The following UROS variants were observed in gnomAD, a reference collection of about 807,000 sequenced individuals.
UROS encodes uroporphyrinogen-III synthase.
Under a neutral mutation model 33.0 loss-of-function variants are expected in UROS, and 18 were observed. That is an observed-to-expected ratio of 0.55 (90% CI 0.38 to 0.81). The LOEUF (loss-of-function observed/expected upper bound fraction) is 0.81. Ranked by LOEUF, UROS falls within the 30% of genes least tolerant of loss-of-function variation. UROS has a pLI of 0.00. For missense variants in UROS, 293 were observed against 314.9 expected (o/e 0.93, Z 0.53); for synonymous variants, 114 against 121.1 (o/e 0.94, Z 0.38).
chr10:125,794,795 G>GA (rs1851212493), intron 9 of UROS, 85 bp downstream of exon 9: 1 of 1,321,572 alleles, frequency 7.6e-7, no homozygotes, highest in Admixed American at 2.0e-5. Context: ...TGTCTCACTT[G>GA]ACATTGAAGC....
In UROS at chr10:125,789,013, G is replaced by C. The variant is rs763515545; in HGVS notation, c.661-8C>G. On this transcript the variant is annotated splice_polypyrimidine_tract_variant and splice_region_variant and intron_variant, in intron 9 of 9. Coordinates refer to ENST00000368797, the MANE Select transcript of UROS (RefSeq NM_000375.3). Reference sequence around the variant, plus strand: ...GGGGCCGATGGCTGCAAACTATAAAGACAGAAGAGAAAACAGGGCTTCAGC... The same window carrying C: ...GGGGCCGATGGCTGCAAACTATAAACACAGAAGAGAAAACAGGGCTTCAGC... 2 of 1,612,798 alleles carry C rather than the reference G, an allele frequency of 1.2e-6. No individual in the cohort carries two copies. The highest frequency in any genetic ancestry group is 2.2e-5 in the South Asian group (2 of 91,042).
At position 125,788,615 on chromosome 10, in the gene UROS, T is replaced by A; in HGVS notation, c.*253A>T. The A allele has an allele frequency of 1.4e-6, 2 of 1,400,612 alleles. No individual in the cohort carries two copies. Among genetic ancestry groups the A allele is most frequent in the East Asian group, 5.1e-5 (2 of 39,090 alleles). The allele number at this position is 1,400,612 out of a possible 1,614,324, so 86.8% of individuals were successfully genotyped here. On this transcript the variant is annotated 3_prime_UTR_variant, in exon 10 of 10. Transcript: ENST00000368797. Reference sequence around the variant, plus strand: ...GGTAGTCAGTGTGGTTTATTTGACTTCCTTCCTGCTGGGCACAGGAAGCTC... The same window carrying A: ...GGTAGTCAGTGTGGTTTATTTGACTACCTTCCTGCTGGGCACAGGAAGCTC...
intron 6 of UROS, among the ~76,000 whole-genome samples, chr10:125,801,567 C>A (rs1037815058): frequency 6.6e-6 from 1 of 152,232 alleles, no homozygotes; most frequent in Non-Finnish European, 1.5e-5. Flanking sequence ...AAAGAAAAAT[C>A]ATTAATGCCT....
At chr10:125,791,208 G>T (rs113793675) in intron 9 of UROS, among the ~76,000 whole-genome samples, 196 of 152,128 alleles carry the variant, frequency 1.3e-3, no homozygotes, top group African/African-American at 4.5e-3. Flanking sequence ...CTTTAAAGAA[G>T]ATATAAAAAT....
At chr10:125,789,272 C>G (rs1850754189) in intron 9 of UROS, 6 of 1,399,854 alleles carry the variant, frequency 4.3e-6, no homozygotes, top group Non-Finnish European at 5.6e-6. Context: ...AGGCCCCAGG[C>G]TGGTGCTCAC....
intron 9 of UROS, chr10:125,794,288 T>C: frequency 1.0e-6 from 1 of 984,286 alleles, no homozygotes; most frequent in Middle Eastern, 5.2e-4. Flanking sequence ...TGAAGCCTTT[T>C]GCTCTTCCTG....
chr10:125,794,071 A>G (rs999888205), intron 9 of UROS: 4 of 152,282 alleles, frequency 2.6e-5, no homozygotes, highest in South Asian at 2.1e-4. Flanking sequence ...AAGTGCATCA[A>G]CTGCTCAGCA....
At chr10:125,796,937 A>C in intron 7 of UROS, 1 of 815,018 alleles carries the variant, frequency 1.2e-6, no homozygotes. Flanking sequence ...GCCATTTCAT[A>C]TCCCTGAAAA....
At chr10:125,794,846 C>A in intron 9 of UROS, 34 bp downstream of exon 9, 2 of 1,526,586 alleles carry the variant, frequency 1.3e-6, no homozygotes, top group Non-Finnish European at 1.8e-6. Context: ...AAAAAAGAAT[C>A]TGAAAAAGAC....
intron 1 of UROS, among the ~76,000 whole-genome samples, chr10:125,820,993 G>A (rs1037901828): frequency 3.9e-5 from 6 of 152,150 alleles, no homozygotes; most frequent in African/African-American, 1.2e-4. Context: ...ACTAATCTGA[G>A]GGCATAAAGT....
chr10:125,804,451 A>G lies in UROS; in HGVS notation c.394+2962T>C, dbSNP rs142728567. On this transcript the variant is annotated intron_variant, in intron 6 of 9. Transcript: ENST00000368797. ...CTCCTTTATAAAAATCAGTACACAT[A>G]AGTGTTTCCCTGAGTTCTGTGAGCC... Among the ~76,000 whole-genome samples, 289 of 152,264 alleles carry G rather than the reference A, an allele frequency of 1.9e-3. 2 individuals carry two copies. The highest frequency in any genetic ancestry group is 6.5e-3 in the African/African-American group (272 of 41,528).
chr10:125,787,783 G>A (rs559453287), downstream of UROS, among the ~76,000 whole-genome samples: 6 of 152,246 alleles, frequency 3.9e-5, no homozygotes, highest in South Asian at 4.1e-4. Context: ...AAGAATTTCT[G>A]TATACTCACA....
intron 1 of UROS, among the ~76,000 whole-genome samples, chr10:125,820,871 G>A (rs1042776668): frequency 4.6e-5 from 7 of 152,184 alleles, no homozygotes; most frequent in African/African-American, 9.7e-5. Flanking sequence ...AACACTGAAC[G>A]AGTGGTAAGC....
intron 1 of UROS, among the ~76,000 whole-genome samples, chr10:125,821,831 T>C (rs1853936253): frequency 6.6e-6 from 1 of 152,182 alleles, no homozygotes; most frequent in Non-Finnish European, 1.5e-5. Flanking sequence ...AAGAGGCCAT[T>C]TCAAGCTGCC....
rs1006446732 is a variant in UROS at position 125,802,339 on chromosome 10, C to T, written c.395-4194G>A. ...GCTGGAACAACTGTCTGTGGCTTCC[C>T]TGCAGCTATTTCAACACCTGGCTGA... is the stretch of plus-strand genomic sequence containing the variant. On this transcript the variant is annotated intron_variant, in intron 6 of 9. Coordinates refer to ENST00000368797, the MANE Select transcript of UROS (RefSeq NM_000375.3). The T allele has an allele frequency of 2.5e-5, 25 of 985,990 alleles. 1 individual carries two copies. Among genetic ancestry groups the T allele is most frequent in the Non-Finnish European group, 3.0e-5 (25 of 830,376 alleles). The allele number at this position is 985,990 out of a possible 1,614,324, so 61.1% of individuals were successfully genotyped here. A position where few individuals can be genotyped will look rare whatever the true frequency, so the allele number is the denominator to read the frequency against.
chr10:125,799,349 T>A (rs1589948533), intron 6 of UROS, among the ~76,000 whole-genome samples: 1 of 152,336 alleles, frequency 6.6e-6, no homozygotes, highest in South Asian at 2.1e-4. Flanking sequence ...CCTAGAGACA[T>A]ATTTTCAAAG....
rs60416822 is a variant in UROS at position 125,796,642 on chromosome 10, CCT to C, written c.476-456_476-455del. On this transcript the variant is annotated intron_variant, in intron 7 of 9. Transcript: ENST00000368797. ...TGTGCCTCCACATGGCCACGCGTCC[CCT>C]CTCTGGGCCTCAGTGTGTCCACTTG... 2,088 of 448,182 alleles carry C rather than the reference CCT, an allele frequency of 4.7e-3. 48 individuals are homozygous for C. The highest frequency in any genetic ancestry group is 0.043 in the African/African-American group (2,005 of 46,756). The allele number at this position is 448,182 out of a possible 1,614,324, so 27.8% of individuals were successfully genotyped here.
chr10:125,810,705 T>C (rs977307041), intron 5 of UROS, among the ~76,000 whole-genome samples: 2 of 152,236 alleles, frequency 1.3e-5, no homozygotes, highest in Admixed American at 6.5e-5. Flanking sequence ...GCTGAGATTC[T>C]AGTTGAACAG....
At chr10:125,787,360 TTCC>T (rs1850662558), downstream of UROS, among the ~76,000 whole-genome samples, 7 of 152,162 alleles carry the variant, frequency 4.6e-5, no homozygotes, top group Admixed American at 4.6e-4. Context: ...CTCCTCCTCC[TTCC>T]TCACTTCCGG....
Sources: allele counts gnomAD v4.1 joint callset (sites outside exome capture counted in the v4.1 genomes callset), GRCh38; gene constraint gnomAD v4.1.1; transcripts MANE v1.5; gene names NCBI Gene and HGNC (gene_info 2026-07-23, HGNC 2026-07-21).